Variants in FBXL17 observed in about 807,000 individuals in gnomAD.
The protein encoded by FBXL17 is F-box/LRR-repeat protein 17.
Under a neutral mutation model 66.2 loss-of-function variants are expected in FBXL17, and 22 were observed. The observed-to-expected ratio is 0.33, with a 90% CI of 0.24 to 0.47. The LOEUF (loss-of-function observed/expected upper bound fraction) is 0.47. Among genes scored for constraint, FBXL17 ranks in the 20% least tolerant of loss-of-function variants. The pLI is 1.00. For missense variants in FBXL17, 878 were observed against 948.2 expected (o/e 0.93, Z 0.97); for synonymous variants, 474 against 400.5 (o/e 1.18, Z -2.19).
At chr5:107,875,678 G>A (rs907458007) in intron 8 of FBXL17, among the ~76,000 whole-genome samples, 3 of 152,168 alleles carry the variant, frequency 2.0e-5, no homozygotes, top group Admixed American at 6.5e-5. Context: ...TGAAAACCAC[G>A]ATTTCTTATG....
At chr5:107,958,293 C>T (rs1014821517) in intron 7 of FBXL17, among the ~76,000 whole-genome samples, 6 of 151,844 alleles carry the variant, frequency 4.0e-5, no homozygotes, top group African/African-American at 1.5e-4. Flanking sequence ...ATCTCTTTTC[C>T]CTTTATGGCC....
intron 1 of FBXL17, among the ~76,000 whole-genome samples, chr5:108,374,984 GA>G (rs1211117744): frequency 1.3e-5 from 2 of 151,756 alleles, no homozygotes; most frequent in Admixed American, 6.6e-5. Context: ...AAACAAGGGG[GA>G]AAAAATACAG....
chr5:108,032,990 G>A (rs1360902971), intron 6 of FBXL17, among the ~76,000 whole-genome samples: 2 of 152,118 alleles, frequency 1.3e-5, no homozygotes, highest in Admixed American at 6.5e-5. Flanking sequence ...CTTAGAGAAC[G>A]CTACCATATC....
At chr5:108,337,052 T>G (rs1214533483) in intron 4 of FBXL17, among the ~76,000 whole-genome samples, 2 of 151,924 alleles carry the variant, frequency 1.3e-5, no homozygotes, top group South Asian at 4.1e-4. Flanking sequence ...GGTCAAGAGA[T>G]CGAGACCATC....
At position 107,958,331 on chromosome 5, in the gene FBXL17, T is replaced by C. The variant is rs183786706; in HGVS notation, c.1822+62594A>G. Among the ~76,000 whole-genome samples, 605 of 152,270 alleles carry C rather than the reference T, an allele frequency of 4.0e-3. 1 individual carries two copies. Among genetic ancestry groups the C allele is most frequent in the South Asian group, 0.013 (65 of 4,820 alleles). On this transcript the variant is annotated intron_variant, in intron 7 of 8. Coordinates refer to ENST00000542267, the MANE Select transcript of FBXL17 (RefSeq NM_001163315.3). ...CAATGTTCCCCCATTTTAGTTCTAA[T>C]TTTTTAGTTTAGTTTATGGACTAAT...
chr5:108,376,108 G>A (rs1749404447), intron 1 of FBXL17, among the ~76,000 whole-genome samples: 1 of 152,134 alleles, frequency 6.6e-6, no homozygotes, highest in Admixed American at 6.5e-5. Context: ...CAGAAATATA[G>A]GAATAAAAGA....
intron 4 of FBXL17, among the ~76,000 whole-genome samples, chr5:108,308,469 G>A (rs2900122): frequency 0.14 from 21,881 of 151,958 alleles, 1,858 homozygotes; most frequent in South Asian, 0.3. Flanking sequence ...CAGTACTATC[G>A]TCTTACCACT....
rs141555678 is a variant in FBXL17, at chr5:107,940,878, C to A, written c.1823-59699G>T. ...GACCCCATCCCCAGAGAATCAAATGCAATTAATCTGTGGGAGGGCCTGGCA... is the reference window on the plus strand; with the variant it reads ...GACCCCATCCCCAGAGAATCAAATGAAATTAATCTGTGGGAGGGCCTGGCA... On this transcript the variant is annotated intron_variant, in intron 7 of 8. Transcript: ENST00000542267. Among the ~76,000 whole-genome samples, 238 of 152,230 alleles carry A rather than the reference C, an allele frequency of 1.6e-3. 2 individuals carry two copies. The highest frequency in any genetic ancestry group is 5.5e-3 in the African/African-American group (230 of 41,538).
chr5:108,301,670 A>G (rs1040601867), intron 4 of FBXL17, among the ~76,000 whole-genome samples: 1 of 151,798 alleles, frequency 6.6e-6, no homozygotes, highest in African/African-American at 2.4e-5. Context: ...AATGTGAGTG[A>G]TAAAATTTTA....
chr5:108,218,638 A>AT (rs1754714389), intron 5 of FBXL17, among the ~76,000 whole-genome samples: 1 of 152,086 alleles, frequency 6.6e-6, no homozygotes, highest in South Asian at 2.1e-4. Context: ...GTGTAAGGTG[A>AT]TATCTCATTG....
intron 7 of FBXL17, among the ~76,000 whole-genome samples, chr5:107,890,824 A>T (rs972665645): frequency 1.3e-5 from 2 of 152,192 alleles, no homozygotes; most frequent in Admixed American, 1.3e-4. Flanking sequence ...AAAGGAAAAC[A>T]GAGGAAAAGG....
At chr5:108,021,097 A>C in intron 6 of FBXL17, 96 bp from the exon 7 acceptor site, 1 of 811,766 alleles carries the variant, frequency 1.2e-6, no homozygotes, top group South Asian at 1.6e-5. Context: ...GGTGAATGCC[A>C]CAGCTTCTTT....
chr5:108,186,435 T>C (rs1019380096), intron 5 of FBXL17, among the ~76,000 whole-genome samples, 188 bp from the exon 6 acceptor site: 2 of 152,168 alleles, frequency 1.3e-5, no homozygotes, highest in Admixed American at 1.3e-4. Flanking sequence ...GAGTGTAGTA[T>C]AGAAATCTAT....
intron 5 of FBXL17, among the ~76,000 whole-genome samples, chr5:108,208,187 A>C (rs994834787): frequency 2.0e-5 from 3 of 152,054 alleles, no homozygotes; most frequent in Non-Finnish European, 2.9e-5. Context: ...AAATTTGTTT[A>C]AGTTCTTTGT....
At position 108,370,446 on chromosome 5, in the gene FBXL17, T is replaced by C. The variant is rs144228101; in HGVS notation, c.994-2493A>G. On this transcript the variant is annotated intron_variant, in intron 1 of 8. Transcript: ENST00000542267. The stretch of plus-strand genomic sequence containing the variant: ...CCTCCAACAAGTCTAGTGAGAAGTA[T>C]AGAATATCATAAAAGTGGCAGGGCA... Among the ~76,000 whole-genome samples the C allele has an allele frequency of 1.0e-3, 153 of 152,194 alleles. 1 individual carries two copies. The highest frequency in any genetic ancestry group is 3.5e-3 in the African/African-American group (147 of 41,548).
chr5:108,306,879 T>C (rs954169623), intron 4 of FBXL17, among the ~76,000 whole-genome samples: 2 of 152,106 alleles, frequency 1.3e-5, no homozygotes, highest in South Asian at 2.1e-4. Context: ...TCTCTAAATA[T>C]TGATTGACAC....
intron 7 of FBXL17, among the ~76,000 whole-genome samples, chr5:107,904,465 A>G (rs1314892735): frequency 4.6e-5 from 7 of 152,074 alleles, no homozygotes; most frequent in Admixed American, 4.6e-4. Context: ...CCCCACTCCA[A>G]CCTAGCTTTC....
At chr5:108,334,878 C>G (rs567644493) in intron 4 of FBXL17, among the ~76,000 whole-genome samples, 4 of 152,256 alleles carry the variant, frequency 2.6e-5, no homozygotes, top group East Asian at 1.9e-4. Flanking sequence ...CGAAGTCTTA[C>G]GCGGACCACG....
chr5:108,270,963 C>T (rs1399833156), intron 4 of FBXL17, among the ~76,000 whole-genome samples: 1 of 152,028 alleles, frequency 6.6e-6, no homozygotes, highest in Non-Finnish European at 1.5e-5. Context: ...CCCCTTTCCC[C>T]CTCTCCTTCT....
Sources: allele counts gnomAD v4.1 joint callset (sites outside exome capture counted in the v4.1 genomes callset), GRCh38; gene constraint gnomAD v4.1.1; transcripts MANE v1.5; gene names NCBI Gene and HGNC (gene_info 2026-07-23, HGNC 2026-07-21).